DLG2: variants seen among roughly 807,000 people sequenced by gnomAD.
DLG2 encodes the protein disks large homolog 2.
Under a neutral mutation model 132.5 loss-of-function variants are expected in DLG2, and 45 were observed. The ratio of observed to expected loss-of-function variants is 0.34; its 90% CI spans 0.27 to 0.44. DLG2 has a LOEUF of 0.44. Ranked by LOEUF, DLG2 falls within the 20% of genes least tolerant of loss-of-function variation. DLG2 has a pLI of 1.00. For missense variants in DLG2, 1,045 were observed against 1,196.9 expected, an observed-to-expected ratio of 0.87 and a Z score of 1.87; for synonymous variants, 424 against 419.6, an observed-to-expected ratio of 1.01 and a Z score of -0.13.
intron 6 of DLG2, among the ~76,000 whole-genome samples, chr11:84,596,697 C>A (rs1475556867): frequency 6.6e-6 from 1 of 152,024 alleles, no homozygotes; most frequent in Non-Finnish European, 1.5e-5. Context: ...GACCATCATG[C>A]GTTTGCCACA....
intron 6 of DLG2, among the ~76,000 whole-genome samples, chr11:84,927,591 T>C (rs1257019483): frequency 6.6e-6 from 1 of 152,052 alleles, no homozygotes; most frequent in Non-Finnish European, 1.5e-5. Context: ...AACTACTCCA[T>C]TTTAATGTTG....
intron 18 of DLG2, among the ~76,000 whole-genome samples, chr11:83,769,568 T>C (rs1189482612): frequency 1.3e-4 from 20 of 150,494 alleles, no homozygotes; most frequent in Non-Finnish European, 2.5e-4. Context: ...TTCTTTTTTT[T>C]TTTTTTTTTT....
At chr11:85,009,743 G>C (rs575447794) in intron 6 of DLG2, among the ~76,000 whole-genome samples, 1 of 151,822 alleles carries the variant, frequency 6.6e-6, no homozygotes, top group Non-Finnish European at 1.5e-5. Flanking sequence ...ATTTTTAAAC[G>C]GTCAGAACTC....
intron 6 of DLG2, among the ~76,000 whole-genome samples, chr11:84,966,075 G>A (rs1018991287): frequency 1.3e-5 from 2 of 151,854 alleles, no homozygotes; most frequent in Admixed American, 6.6e-5. Flanking sequence ...ATTTATTGGT[G>A]AGGCAGATAA....
At chr11:85,247,751 A>C (rs1186078216) in intron 4 of DLG2, among the ~76,000 whole-genome samples, 2 of 152,066 alleles carry the variant, frequency 1.3e-5, no homozygotes, top group Admixed American at 6.6e-5. Flanking sequence ...AAGAGACTGA[A>C]GGCTTAGCTT....
intron 21 of DLG2, among the ~76,000 whole-genome samples, chr11:83,489,013 C>T (rs1286515610): frequency 6.6e-6 from 1 of 151,960 alleles, no homozygotes; most frequent in Non-Finnish European, 1.5e-5. Context: ...GTGTCTATAA[C>T]ATTGCCTAAT....
chr11:85,578,756 AAAAC>A (rs1483203762), intron 3 of DLG2, among the ~76,000 whole-genome samples: 15 of 152,220 alleles, frequency 9.9e-5, no homozygotes, highest in African/African-American at 3.6e-4. Flanking sequence ...GTTGCAGAGA[AAAAC>A]AAAAGCTTAT....
intron 9 of DLG2, among the ~76,000 whole-genome samples, chr11:84,116,856 T>G (rs2093657334): frequency 6.6e-6 from 1 of 152,220 alleles, no homozygotes; most frequent in Non-Finnish European, 1.5e-5. Flanking sequence ...ATTGGCTCCC[T>G]ACTGCTTAGG....
chr11:85,493,522 T>C (rs1469704258), intron 3 of DLG2, among the ~76,000 whole-genome samples: 1 of 152,078 alleles, frequency 6.6e-6, no homozygotes, highest in African/African-American at 2.4e-5. Context: ...GAAATTTAGC[T>C]GGGTTCACTG....
At position 84,154,676 on chromosome 11, in the gene DLG2, G is replaced by C. The variant is rs374434471; in HGVS notation, c.624+8785C>G. ...CCCCCACCCCACGACAGGCCCTGGT[G>C]TGTGATGTTCCCCTTCCTGTGTCCA... is the stretch of plus-strand genomic sequence containing the variant. On this transcript the variant is annotated intron_variant, in intron 9 of 27. Transcript: ENST00000376104. Among the ~76,000 whole-genome samples, 21 of 152,036 alleles carry C rather than the reference G, an allele frequency of 1.4e-4. No individual in the cohort carries two copies. The East Asian group carries it at 3.1e-3, about 22-fold the overall frequency.
rs530946139 is a variant in DLG2, at chr11:84,779,927, T to C, written c.358-245196A>G. Among the ~76,000 whole-genome samples, 228 of 148,990 alleles carry C rather than the reference T, an allele frequency of 1.5e-3. 1 individual carries two copies. Among genetic ancestry groups the C allele is most frequent in the African/African-American group, 5.1e-3 (207 of 40,892 alleles). ...GCCCAGGACCAGGACCAGGACCAGATTGTGATATTCACAACCAAATTCTAC... is the reference window on the plus strand; with the variant it reads ...GCCCAGGACCAGGACCAGGACCAGACTGTGATATTCACAACCAAATTCTAC... On this transcript the variant is annotated intron_variant, in intron 6 of 27. Transcript: ENST00000376104.
chr11:84,142,510 C>A (rs2094898129), intron 9 of DLG2, among the ~76,000 whole-genome samples: 1 of 151,928 alleles, frequency 6.6e-6, no homozygotes. Flanking sequence ...TAAGGGATAC[C>A]CAAATAGCTG....
intron 6 of DLG2, among the ~76,000 whole-genome samples, chr11:84,581,684 G>A (rs532862803): frequency 1.6e-4 from 25 of 151,906 alleles, no homozygotes; most frequent in South Asian, 1.2e-3. Context: ...CGAGGTGGGC[G>A]GATCACAAGA....
chr11:83,892,577 T>G (rs2070257219), intron 15 of DLG2, among the ~76,000 whole-genome samples: 1 of 152,134 alleles, frequency 6.6e-6, no homozygotes. Context: ...GCAACTATAT[T>G]GTATGCAAGT....
Position 84,534,603 on chromosome 11 carries a change from T to A in DLG2, c.486A>T (p.Gly162=). Residue 162 remains glycine, a synonymous_variant, in exon 7 of 28, where the codon GGA becomes GGT. Transcript: ENST00000376104. ...KNLSQIENVH[G]YVLQSHISPL... ...GAGAAATATGAGACTGCAAGACATA[T>A]CCATGGACATTTTCTATTTGAGAGA... is the stretch of plus-strand genomic sequence containing the variant. 3.1e-6 allele frequency: 5 copies of A among 1,613,962 alleles called. No individual in the cohort carries two copies. Among genetic ancestry groups the A allele is most frequent in the Non-Finnish European group, 4.2e-6 (5 of 1,179,936 alleles).
At chr11:84,545,990 A>G (rs1468997952) in intron 6 of DLG2, among the ~76,000 whole-genome samples, 4 of 152,008 alleles carry the variant, frequency 2.6e-5, no homozygotes, top group Non-Finnish European at 5.9e-5. Context: ...TTCTGATCTC[A>G]AGTGATCCAT....
chr11:83,991,634 C>A (rs955013172), intron 11 of DLG2, among the ~76,000 whole-genome samples: 1 of 151,908 alleles, frequency 6.6e-6, no homozygotes, highest in African/African-American at 2.4e-5. Context: ...CTGAAAAGAT[C>A]TCTTCAACCT....
intron 17 of DLG2, chr11:83,791,594 A>T (rs1472185314): frequency 2.3e-6 from 1 of 426,560 alleles, no homozygotes; most frequent in African/African-American, 2.1e-5. Flanking sequence ...CTAGTTACCT[A>T]ATCCAACGGA....
At chr11:85,106,045 A>G (rs1438677537) in intron 6 of DLG2, among the ~76,000 whole-genome samples, 1 of 151,828 alleles carries the variant, frequency 6.6e-6, no homozygotes, top group Non-Finnish European at 1.5e-5. Context: ...TGCACACTGT[A>G]TTAACTGGTT....
Sources: allele counts gnomAD v4.1 joint callset (sites outside exome capture counted in the v4.1 genomes callset), GRCh38; gene constraint gnomAD v4.1.1; transcripts MANE v1.5; gene names NCBI Gene and HGNC (gene_info 2026-07-23, HGNC 2026-07-21).